Variants in LARP4B observed in about 807,000 individuals in gnomAD.
LARP4B encodes La ribonucleoprotein 4B, also known as la-related protein 4B.
Under a neutral mutation model 89.8 loss-of-function variants are expected in LARP4B, and 12 were observed. That is an observed-to-expected ratio of 0.13 (90% CI 0.09 to 0.22). The LOEUF (loss-of-function observed/expected upper bound fraction) is 0.22, where lower values mean the gene tolerates loss of function less well. Ranked by LOEUF, LARP4B falls within the 10% of genes least tolerant of loss-of-function variation. The pLI, the probability that LARP4B is intolerant of heterozygous loss-of-function variation, is 1.00. For missense variants in LARP4B, 757 were observed against 947.7 expected (o/e 0.80, Z 2.64); for synonymous variants, 367 against 363.3 (o/e 1.01, Z -0.12).
intron 5 of LARP4B, among the ~76,000 whole-genome samples, chr10:858,507 C>A (rs537312463): frequency 3.3e-5 from 5 of 152,220 alleles, no homozygotes; most frequent in Admixed American, 6.5e-5. Context: ...AGATATGACA[C>A]CAAAGGCATA....
chr10:881,274 G>A (rs1042332433), intron 3 of LARP4B, among the ~76,000 whole-genome samples: 14 of 152,006 alleles, frequency 9.2e-5, no homozygotes, highest in East Asian at 1.9e-4. Context: ...ATCCCCTCTC[G>A]CCTTCTATCA....
At chr10:985,631 A>T in the LARP4B span, 3 of 152,230 alleles carry the variant, frequency 2.0e-5, no homozygotes, top group African/African-American at 7.2e-5. Flanking sequence ...GTGTTTCCTT[A>T]GACCTCCCTG....
At chr10:888,340 A>AC (rs199696882) in intron 1 of LARP4B, among the ~76,000 whole-genome samples, 2,260 of 145,176 alleles carry the variant, frequency 0.016, 20 homozygotes, top group African/African-American at 0.023. Context: ...AAACAAACAA[A>AC]AAAAAAAAAA....
At chr10:960,404 G>A in the LARP4B span, among the ~76,000 whole-genome samples, 1 of 151,954 alleles carries the variant, frequency 6.6e-6, no homozygotes, top group Non-Finnish European at 1.5e-5. Context: ...ACGGGAGGGA[G>A]GCGCTGGGTA....
At chr10:892,079 A>G (rs1836045160) in intron 1 of LARP4B, among the ~76,000 whole-genome samples, 1 of 152,364 alleles carries the variant, frequency 6.6e-6, no homozygotes, top group South Asian at 2.1e-4. Context: ...AATGGGAGAA[A>G]AGAATCCTCC....
At chr10:918,322 C>T (rs945322044) in intron 1 of LARP4B, among the ~76,000 whole-genome samples, 11 of 152,166 alleles carry the variant, frequency 7.2e-5, no homozygotes, top group African/African-American at 2.7e-4. Flanking sequence ...TTTAGGTCAA[C>T]ACTAACATCA....
At chr10:842,032 G>C (rs1588893412) in intron 7 of LARP4B, among the ~76,000 whole-genome samples, 1 of 151,164 alleles carries the variant, frequency 6.6e-6, no homozygotes, top group East Asian at 1.9e-4. Flanking sequence ...CAGGGACAAC[G>C]TGAAAACCCT....
At position 813,017 on chromosome 10, in the gene LARP4B, T is replaced by G. The variant is rs1465883519; in HGVS notation, c.2126A>C (p.Gln709Pro). The stretch of plus-strand genomic sequence containing the variant: ...GGGCCGGCCCCCCGCCGGCCGCCTC[T>G]GGTCTCTGGGGGCTCCAGGTGTGGA... ...LKSTPGAPRD[Q>P]RRPAGGRPSP... Residue 709 changes from glutamine (Q) to proline (P), a missense_variant, in exon 18 of 18, where the codon CAG becomes CCG. Physicochemically the swap from Gln to Pro is moderately conservative, Grantham distance 76 (BLOSUM62 -1). This residue lies in a region of LARP4B where 387 missense variants were observed against 423.6 expected (regional missense o/e 0.91). Transcript: ENST00000316157. 9 of 1,604,850 alleles carry G rather than the reference T, an allele frequency of 5.6e-6. No homozygotes were observed. Among genetic ancestry groups the G allele is most frequent in the Non-Finnish European group, 4.2e-6 (5 of 1,177,944 alleles).
chr10:924,062 G>T (rs1313564265), intron 1 of LARP4B, among the ~76,000 whole-genome samples: 1 of 151,566 alleles, frequency 6.6e-6, no homozygotes, highest in Non-Finnish European at 1.5e-5. Context: ...AGTGAGACCC[G>T]CCACCTCTAC....
chr10:929,529 T>C (rs951679461), intron 1 of LARP4B, among the ~76,000 whole-genome samples: 4 of 151,526 alleles, frequency 2.6e-5, no homozygotes, highest in African/African-American at 4.9e-5. Context: ...ACCTAGGAGG[T>C]GGAGGTTGTA....
intron 1 of LARP4B, among the ~76,000 whole-genome samples, chr10:895,322 A>T (rs1050699428): frequency 2.0e-5 from 3 of 152,172 alleles, no homozygotes; most frequent in Non-Finnish European, 4.4e-5. Context: ...ATTTCTATTT[A>T]AAATTTGTAT....
intron 9 of LARP4B, among the ~76,000 whole-genome samples, 181 bp downstream of exon 9, chr10:830,686 T>C (rs1832858646): frequency 6.6e-6 from 1 of 152,238 alleles, no homozygotes; most frequent in African/African-American, 2.4e-5. Context: ...TATATTGCTA[T>C]AAAAATTGTC....
the LARP4B span, among the ~76,000 whole-genome samples, chr10:960,000 A>G: frequency 6.6e-6 from 1 of 151,968 alleles, no homozygotes; most frequent in Admixed American, 6.6e-5. Context: ...ACACATGGGC[A>G]TTCTTCATTG....
Position 885,332 on chromosome 10 carries a change from C to A in LARP4B, c.81+309G>T, listed in dbSNP as rs551638123. Among the ~76,000 whole-genome samples the A allele has an allele frequency of 2.6e-5, 4 of 151,094 alleles. No individual in the cohort carries two copies. In the East Asian group the frequency reaches 7.7e-4, roughly 29 times the overall value. Reference sequence around the variant, plus strand: ...AACTGTCAACATCTGCATTAGACTTCGCAAAAAAAAAATACAGTTTTCCCT... The same window carrying A: ...AACTGTCAACATCTGCATTAGACTTAGCAAAAAAAAAATACAGTTTTCCCT... On this transcript the variant is annotated intron_variant, in intron 2 of 17. Coordinates refer to ENST00000316157, the MANE Select transcript of LARP4B (RefSeq NM_015155.3).
chr10:901,908 T>A (rs1303701679), intron 1 of LARP4B, among the ~76,000 whole-genome samples: 1 of 152,214 alleles, frequency 6.6e-6, no homozygotes, highest in Admixed American at 6.5e-5. Context: ...CAAAAACTTA[T>A]TTGTTAGCAA....
chr10:894,562 CAG>C (rs1836132277), intron 1 of LARP4B, among the ~76,000 whole-genome samples: 1 of 151,906 alleles, frequency 6.6e-6, no homozygotes, highest in African/African-American at 2.4e-5. Context: ...GTAATAAAGA[CAG>C]AGAAAACTTT....
At position 871,857 on chromosome 10, in the gene LARP4B, TAG is replaced by T. The variant is rs1214425496; in HGVS notation, c.142-7589_142-7588del. Among the ~76,000 whole-genome samples the T allele has an allele frequency of 5.3e-5, 8 of 152,332 alleles. No homozygotes were observed. The East Asian group carries it at 9.7e-4, about 18-fold the overall frequency. On this transcript the variant is annotated intron_variant, in intron 3 of 17. Transcript: ENST00000316157. Reference sequence around the variant, plus strand: ...TCATCGTTGTCTCTTAGTGGTGTGATAGAGTTATTTTCTCTCTCCTTTTTAGA... The same window carrying T: ...TCATCGTTGTCTCTTAGTGGTGTGATAGTTATTTTCTCTCTCCTTTTTAGA...
At chr10:852,987 C>T (rs1228084857) in intron 5 of LARP4B, among the ~76,000 whole-genome samples, 2 of 152,182 alleles carry the variant, frequency 1.3e-5, no homozygotes, top group African/African-American at 4.8e-5. Flanking sequence ...AGAGATACAT[C>T]TTGTTCATGG....
chr10:974,192 C>T, the LARP4B span, among the ~76,000 whole-genome samples: 28 of 148,238 alleles, frequency 1.9e-4, no homozygotes, highest in African/African-American at 6.6e-4. Context: ...CCAGACAGCA[C>T]GGGGTAACCA....
Sources: allele counts gnomAD v4.1 joint callset (sites outside exome capture counted in the v4.1 genomes callset), GRCh38; gene constraint gnomAD v4.1.1; regional missense constraint gnomAD v4.1.1; transcripts MANE v1.5; gene names NCBI Gene and HGNC (gene_info 2026-07-23, HGNC 2026-07-21).